TNNI3K: variants seen among roughly 807,000 people sequenced by gnomAD.
The protein encoded by TNNI3K is serine/threonine-protein kinase TNNI3K.
TNNI3K carries 140 observed loss-of-function variants against 114.5 expected under a neutral mutation model. The ratio of observed to expected loss-of-function variants is 1.22; its 90% CI spans 1.07 to 1.41. TNNI3K has a LOEUF of 1.41. Ranked by LOEUF, TNNI3K falls within the 40% of genes most tolerant of loss-of-function variation. The pLI is 0.00. For missense variants in TNNI3K, 1,125 were observed against 1,007.6 expected (o/e 1.12, Z -1.58); for synonymous variants, 347 against 347.5 (o/e 1.00, Z 0.02).
chr1:74,438,259 G>T (rs1011678011), intron 19 of TNNI3K, among the ~76,000 whole-genome samples: 2 of 151,808 alleles, frequency 1.3e-5, no homozygotes, highest in African/African-American at 4.8e-5. Flanking sequence ...TGCATAATCT[G>T]CTATAAAAAT....
intron 9 of TNNI3K, 29 bp from the exon 10 acceptor site, chr1:74,353,237 C>A: frequency 6.2e-7 from 1 of 1,602,040 alleles, no homozygotes; most frequent in Non-Finnish European, 8.5e-7. Flanking sequence ...GACCTTCTAT[C>A]TTTCTTGTTT....
At chr1:74,389,434 A>G (rs1421876746) in intron 17 of TNNI3K, among the ~76,000 whole-genome samples, 1 of 152,198 alleles carries the variant, frequency 6.6e-6, no homozygotes, top group East Asian at 1.9e-4. Flanking sequence ...TTTATAGGAA[A>G]CTGTGAAGAA....
intron 11 of TNNI3K, among the ~76,000 whole-genome samples, chr1:74,363,558 G>C (rs561398542): frequency 5.9e-5 from 9 of 152,016 alleles, no homozygotes; most frequent in Non-Finnish European, 8.8e-5. Flanking sequence ...TCAAGGGTGT[G>C]ATCACTAACT....
At chr1:74,521,522 A>G (rs1051673414) in intron 23 of TNNI3K, among the ~76,000 whole-genome samples, 6 of 152,128 alleles carry the variant, frequency 3.9e-5, no homozygotes, top group Non-Finnish European at 5.9e-5. Flanking sequence ...ATGTGTATAT[A>G]TATATATACA....
chr1:74,273,388 G>A (rs541619606), intron 5 of TNNI3K, among the ~76,000 whole-genome samples: 1 of 152,022 alleles, frequency 6.6e-6, no homozygotes, highest in Non-Finnish European at 1.5e-5. Flanking sequence ...AGAAACTGAG[G>A]CCAGTGATAA....
At chr1:74,297,488 A>G (rs752593119) in intron 5 of TNNI3K, among the ~76,000 whole-genome samples, 6 of 148,894 alleles carry the variant, frequency 4.0e-5, no homozygotes, top group Non-Finnish European at 7.4e-5. Context: ...ACCAGAACCT[A>G]TCCATGCTTG....
intron 17 of TNNI3K, among the ~76,000 whole-genome samples, chr1:74,386,190 C>G (rs1663469939): frequency 1.3e-5 from 2 of 152,188 alleles, no homozygotes; most frequent in Non-Finnish European, 2.9e-5. Flanking sequence ...TCAATTAAAC[C>G]TCTTTCCTTT....
intron 17 of TNNI3K, among the ~76,000 whole-genome samples, chr1:74,386,031 T>C (rs901128122): frequency 3.3e-5 from 5 of 152,214 alleles, no homozygotes; most frequent in Admixed American, 3.3e-4. Flanking sequence ...GTTCGCATGA[T>C]AGTGAATAAG....
At chr1:74,511,902 G>A (rs1192579831) in intron 23 of TNNI3K, among the ~76,000 whole-genome samples, 5 of 152,140 alleles carry the variant, frequency 3.3e-5, no homozygotes, top group Admixed American at 3.3e-4. Flanking sequence ...AACAGCAAAG[G>A]GTTGAGTGTG....
chr1:74,289,148 T>A lies in TNNI3K; in HGVS notation c.444+17440T>A, dbSNP rs140109551. ...GAAGCAGCTAAATTAGTCAAAGTGCTTATCTTTGGGAAATAATAATGGAAG... is the reference window on the plus strand; with the variant it reads ...GAAGCAGCTAAATTAGTCAAAGTGCATATCTTTGGGAAATAATAATGGAAG... On this transcript the variant is annotated intron_variant, in intron 5 of 24. Coordinates refer to ENST00000326637, the MANE Select transcript of TNNI3K (RefSeq NM_015978.3). Among the ~76,000 whole-genome samples the A allele has an allele frequency of 2.7e-3, 416 of 152,092 alleles. 1 individual carries two copies. Among genetic ancestry groups the A allele is most frequent in the African/African-American group, 9.3e-3 (386 of 41,554 alleles).
rs1016168874 is a variant in TNNI3K at position 74,504,237 on chromosome 1, G to T, written c.2351+11971G>T. Among the ~76,000 whole-genome samples the T allele has an allele frequency of 2.0e-5, 3 of 152,286 alleles. No individual in the cohort carries two copies. The East Asian group carries it at 5.8e-4, about 29-fold the overall frequency. On this transcript the variant is annotated intron_variant, in intron 23 of 24. Transcript: ENST00000326637. ...ATAGTCTGTGATGAAAGGTGATAGG[G>T]CTCTATGTTAAGAACTCCTTTTCGG...
chr1:74,295,213 T>C (rs1408937477), intron 5 of TNNI3K, among the ~76,000 whole-genome samples: 1 of 152,144 alleles, frequency 6.6e-6, no homozygotes, highest in Non-Finnish European at 1.5e-5. Context: ...AATTGCATTA[T>C]GCTCAGAAAT....
chr1:74,517,793 C>T (rs576834218), intron 23 of TNNI3K, among the ~76,000 whole-genome samples: 1 of 152,248 alleles, frequency 6.6e-6, no homozygotes, highest in African/African-American at 2.4e-5. Context: ...ATTGAAAATG[C>T]ACCAGAATCA....
intron 11 of TNNI3K, among the ~76,000 whole-genome samples, chr1:74,356,860 T>C (rs190112352): frequency 4.7e-4 from 72 of 152,336 alleles, no homozygotes; most frequent in African/African-American, 1.4e-3. Context: ...TTCAAACTAA[T>C]GTGCCAGGCA....
intron 5 of TNNI3K, among the ~76,000 whole-genome samples, chr1:74,283,803 A>G (rs955027623): frequency 6.6e-6 from 1 of 152,210 alleles, no homozygotes; most frequent in African/African-American, 2.4e-5. Context: ...TTATATATAC[A>G]TAGAAATATA....
intron 11 of TNNI3K, among the ~76,000 whole-genome samples, chr1:74,364,970 T>A (rs964052211): frequency 2.2e-4 from 34 of 152,128 alleles, no homozygotes; most frequent in African/African-American, 8.2e-4. Context: ...CAAGTCACTA[T>A]GTTTGTCATA....
chr1:74,353,762 G>A (rs890592072), intron 10 of TNNI3K, among the ~76,000 whole-genome samples: 2 of 152,050 alleles, frequency 1.3e-5, no homozygotes, highest in African/African-American at 4.8e-5. Context: ...CTGAGGAAAA[G>A]ACAGTCTCTG....
At chr1:74,391,979 T>C (rs1487073223) in intron 17 of TNNI3K, among the ~76,000 whole-genome samples, 1 of 146,370 alleles carries the variant, frequency 6.8e-6, no homozygotes, top group Non-Finnish European at 1.5e-5. Context: ...TTTTTTTTTT[T>C]TTTTGAGACG....
rs1557508760 is a variant in TNNI3K at position 74,343,130 on chromosome 1, ACAGAAAGT to A, written c.885_892del (p.Glu296AspfsTer2). On this transcript the variant is annotated frameshift_variant, in exon 9 of 25. Transcript: ENST00000326637. LOFTEE classifies it high-confidence loss of function. ...CAAGGAAATCATCCAAATATCAGGAACAGAAAGTCTGACTAAGGAAAACATCTTCAGTG... is the reference window on the plus strand; with the variant it reads ...CAAGGAAATCATCCAAATATCAGGAACTGACTAAGGAAAACATCTTCAGTG... The A allele has an allele frequency of 6.2e-7, 1 of 1,613,534 alleles. No individual in the cohort carries two copies. Among genetic ancestry groups the A allele is most frequent in the South Asian group, 1.1e-5 (1 of 91,058 alleles).
Sources: allele counts gnomAD v4.1 joint callset (sites outside exome capture counted in the v4.1 genomes callset), GRCh38; gene constraint gnomAD v4.1.1; transcripts MANE v1.5; gene names NCBI Gene and HGNC (gene_info 2026-07-23, HGNC 2026-07-21).